Variants in MLLT3 observed in about 807,000 individuals in gnomAD.
MLLT3 encodes the protein protein AF-9.
In MLLT3, 4 loss-of-function variants were observed where a neutral mutation model predicts 53.2. The observed-to-expected ratio is 0.08, with a 90% CI of 0.04 to 0.17. MLLT3 has a LOEUF of 0.17. Ranked by LOEUF, MLLT3 falls within the 10% of genes least tolerant of loss-of-function variation. MLLT3 has a pLI of 1.00. For synonymous variants in MLLT3, 283 were observed against 230.6 expected (o/e 1.23, Z -2.06); for missense variants, 569 against 684.0 (o/e 0.83, Z 1.87).
Position 20,448,414 on chromosome 9 carries a change from T to C in MLLT3, c.277-148A>G. The C allele has an allele frequency of 1.7e-6, 1 of 595,144 alleles. No individual in the cohort carries two copies. The highest frequency in any genetic ancestry group is 3.0e-5 in the South Asian group (1 of 33,482). 36.9% of individuals were successfully genotyped at this position (595,144 alleles called of 1,614,324 possible). A position where few individuals can be genotyped will look rare whatever the true frequency, so the allele number is the denominator to read the frequency against. On this transcript the variant is annotated intron_variant, in intron 3 of 10. Transcript: ENST00000380338. The surrounding 1 kb of genome is among the most constrained non-coding windows in gnomAD (Gnocchi z 4.0). Reference sequence around the variant, plus strand: ...AAAGTAGTACTGGGAAAAAAAAAAGTATCATGGAATCATCAGTGAAACAAA... The same window carrying C: ...AAAGTAGTACTGGGAAAAAAAAAAGCATCATGGAATCATCAGTGAAACAAA...
chr9:20,420,188 A>G (rs1413933148), intron 4 of MLLT3, among the ~76,000 whole-genome samples: 3 of 152,218 alleles, frequency 2.0e-5, no homozygotes, highest in African/African-American at 7.2e-5. Flanking sequence ...TATAGGCAAA[A>G]TTAAGAAAAG....
rs1408209596 is a variant in MLLT3 at position 20,365,716 on chromosome 9, C to A, written c.1154G>T (p.Ser385Ile). The A allele has an allele frequency of 6.2e-7, 1 of 1,614,036 alleles. No homozygotes were observed. The highest frequency in any genetic ancestry group is 2.2e-5 in the East Asian group (1 of 44,894). Residue 385 changes from serine to isoleucine, a missense_variant, in exon 6 of 11, where the codon AGC (serine) becomes ATC (isoleucine). Around this residue, in one of 5 missense-constraint regions of MLLT3, gnomAD observed 437 missense variants for 376.5 expected, o/e 1.16. Transcript: ENST00000380338. ...TGTGAAGCTGGAGCTGGAGCTGGAG[C>A]TGGAGCTGGCAGGACTGGGTTGTTC... ...DSEQPSPASS[S>I]SSSSSSFTPS... is the part of the protein sequence containing the mutation.
intron 2 of MLLT3, among the ~76,000 whole-genome samples, chr9:20,517,694 G>C (rs1817951138): frequency 6.6e-6 from 1 of 151,858 alleles, no homozygotes; most frequent in South Asian, 2.1e-4. Flanking sequence ...AAATAAGCCG[G>C]GTGTGCTGGT....
intron 4 of MLLT3, among the ~76,000 whole-genome samples, chr9:20,435,557 G>C (rs1022441913): frequency 3.9e-5 from 6 of 152,124 alleles, no homozygotes; most frequent in Non-Finnish European, 7.4e-5. Flanking sequence ...ATGTCCTCCA[G>C]ATAAGGCAAG....
intron 2 of MLLT3, among the ~76,000 whole-genome samples, chr9:20,527,747 C>T (rs1818239478): frequency 6.6e-6 from 1 of 152,150 alleles, no homozygotes; most frequent in Admixed American, 6.5e-5. Context: ...TTATATAATG[C>T]ATTTCAAAAA....
chr9:20,424,685 C>T (rs1823099427), intron 4 of MLLT3, among the ~76,000 whole-genome samples: 1 of 152,194 alleles, frequency 6.6e-6, no homozygotes, highest in South Asian at 2.1e-4. Context: ...ATTTTAGCTG[C>T]AAATAAACAT....
chr9:20,392,301 G>A (rs555285954), intron 5 of MLLT3, among the ~76,000 whole-genome samples: 1 of 152,174 alleles, frequency 6.6e-6, no homozygotes, highest in East Asian at 1.9e-4. Flanking sequence ...TTTCTATTTT[G>A]TCAGCTCTTT....
At chr9:20,524,528 T>TA (rs111687220) in intron 2 of MLLT3, among the ~76,000 whole-genome samples, 7,440 of 151,858 alleles carry the variant, frequency 0.049, 615 homozygotes, top group African/African-American at 0.17. Context: ...TAACTTTTTT[T>TA]AAAAAAAATG....
At chr9:20,580,431 A>G (rs1819762226) in intron 2 of MLLT3, among the ~76,000 whole-genome samples, 1 of 152,002 alleles carries the variant, frequency 6.6e-6, no homozygotes. Flanking sequence ...ACATGCTCCA[A>G]CTTCTTTCAG....
chr9:20,373,660 T>G (rs978974530), intron 5 of MLLT3, among the ~76,000 whole-genome samples: 1 of 152,034 alleles, frequency 6.6e-6, no homozygotes, highest in Non-Finnish European at 1.5e-5. Context: ...TAAACAGAAA[T>G]GATTTCAGAC....
intron 5 of MLLT3, among the ~76,000 whole-genome samples, chr9:20,368,795 A>G (rs568372562): frequency 2.1e-4 from 32 of 152,338 alleles, no homozygotes; most frequent in African/African-American, 7.5e-4. Context: ...TTTTACAACA[A>G]AAGACATTAA....
At chr9:20,506,303 A>C (rs980461118) in intron 2 of MLLT3, among the ~76,000 whole-genome samples, 1 of 152,050 alleles carries the variant, frequency 6.6e-6, no homozygotes, top group Non-Finnish European at 1.5e-5. Context: ...AGCCTCCCGA[A>C]GTGCTGGGAT....
intron 2 of MLLT3, among the ~76,000 whole-genome samples, chr9:20,491,205 T>C (rs996149922): frequency 6.6e-6 from 1 of 152,126 alleles, no homozygotes; most frequent in African/African-American, 2.4e-5. Context: ...TACTCAAAAA[T>C]CAAGAGCAAT....
intron 5 of MLLT3, among the ~76,000 whole-genome samples, chr9:20,399,077 T>C (rs1260398407): frequency 6.6e-6 from 1 of 152,160 alleles, no homozygotes; most frequent in Non-Finnish European, 1.5e-5. Flanking sequence ...CCTAGGATTT[T>C]GTTATATAAA....
intron 5 of MLLT3, among the ~76,000 whole-genome samples, chr9:20,410,154 C>G (rs544326121): frequency 9.2e-5 from 14 of 152,088 alleles, no homozygotes; most frequent in African/African-American, 3.4e-4. Context: ...TGACAAAAGA[C>G]AAAACTCAAA....
At chr9:20,609,480 A>T (rs1309434143) in intron 2 of MLLT3, among the ~76,000 whole-genome samples, 2 of 152,112 alleles carry the variant, frequency 1.3e-5, no homozygotes, top group African/African-American at 4.8e-5. Flanking sequence ...TAAAAACACA[A>T]GTAATATCTG....
chr9:20,534,512 C>G (rs957315073), intron 2 of MLLT3, among the ~76,000 whole-genome samples: 1 of 152,198 alleles, frequency 6.6e-6, no homozygotes, highest in South Asian at 2.1e-4. Context: ...TTTCACTCTG[C>G]TTTGTCCTCC....
At chr9:20,618,063 G>C (rs1173646896) in intron 2 of MLLT3, among the ~76,000 whole-genome samples, 8 of 152,174 alleles carry the variant, frequency 5.3e-5, no homozygotes. Context: ...CTGTTTAGCA[G>C]CTACTGTATA....
chr9:20,497,036 T>A (rs957238558), intron 2 of MLLT3, among the ~76,000 whole-genome samples: 12 of 152,226 alleles, frequency 7.9e-5, no homozygotes, highest in African/African-American at 2.9e-4. Flanking sequence ...TAATAACTCA[T>A]TGGAGTTCTT....
Sources: allele counts gnomAD v4.1 joint callset (sites outside exome capture counted in the v4.1 genomes callset), GRCh38; gene constraint gnomAD v4.1.1; regional missense constraint gnomAD v4.1.1; non-coding constraint Gnocchi (gnomAD v3.1); transcripts MANE v1.5; gene names NCBI Gene and HGNC (gene_info 2026-07-23, HGNC 2026-07-21).